PCDH11X: variants seen among roughly 807,000 people sequenced by gnomAD.
PCDH11X encodes the protein protocadherin 11 X-linked, also known as protocadherin-11 X-linked.
PCDH11X carries 18 observed loss-of-function variants against 53.3 expected under a neutral mutation model. The observed-to-expected ratio is 0.34, with a 90% CI of 0.23 to 0.50. The LOEUF (loss-of-function observed/expected upper bound fraction) is 0.50. Among genes scored for constraint, PCDH11X ranks in the 20% least tolerant of loss-of-function variants. The probability of loss-of-function intolerance (pLI) is 0.98; values close to 1 mark genes in which losing one functional copy is unlikely to be tolerated. For synonymous variants in PCDH11X, 279 were observed against 393.3 expected, an observed-to-expected ratio of 0.71 and a Z score of 3.44; for missense variants, 570 against 1,032.4, an observed-to-expected ratio of 0.55 and a Z score of 6.14.
chrX:91,858,616 G>C (rs966730681), intron 5 of PCDH11X, among the ~76,000 whole-genome samples: 15 of 109,314 alleles, frequency 1.4e-4, no homozygotes, highest in African/African-American at 4.7e-4. Context: ...TTGCTGCTTA[G>C]AAATTTCTTC....
At chrX:92,052,938 G>T (rs1349092143) in intron 6 of PCDH11X, among the ~76,000 whole-genome samples, 1 of 111,142 alleles carries the variant, frequency 9.0e-6, no homozygotes, top group African/African-American at 3.3e-5. Flanking sequence ...TCAAAATAAA[G>T]TCATTACATT....
intron 6 of PCDH11X, among the ~76,000 whole-genome samples, chrX:92,120,856 C>G (rs1313462476): frequency 9.0e-6 from 1 of 111,596 alleles, no homozygotes; most frequent in Non-Finnish European, 1.9e-5. Context: ...AAACACTTAT[C>G]TATAGTGTAT....
chrX:91,991,886 T>C (rs1291138858), intron 6 of PCDH11X, among the ~76,000 whole-genome samples: 1 of 110,840 alleles, frequency 9.0e-6, no homozygotes, highest in African/African-American at 3.3e-5. Context: ...CTTTGTCTAT[T>C]CCTTTGAATT....
intron 9 of PCDH11X, among the ~76,000 whole-genome samples, chrX:92,406,078 A>G (rs1358402812): frequency 4.4e-5 from 4 of 90,703 alleles, no homozygotes; most frequent in Non-Finnish European, 6.6e-5. Flanking sequence ...CAGCCTGGGC[A>G]ACAGAGTGAG....
rs775353759 is a variant in PCDH11X, at chrX:92,387,893, C to G, written c.3303C>G (p.Ser1101Arg). The G allele has an allele frequency of 8.3e-7, 1 of 1,210,885 alleles. No individual in the cohort carries two copies. The highest frequency in any genetic ancestry group is 1.8e-5 in the South Asian group (1 of 56,937). ...QEEYFDRATP[S>R]NRTEGDGNSD... Reference sequence around the variant, plus strand: ...AGTACTTTGATCGTGCTACACCCAGCAATCGCACTGAAGGGGATGGCAACT... The same window carrying G: ...AGTACTTTGATCGTGCTACACCCAGGAATCGCACTGAAGGGGATGGCAACT... The change falls in exon 9 of 11, where the codon AGC becomes AGG. Residue 1101 changes from serine to arginine, a missense_variant. By Grantham distance (110) the Ser-to-Arg change is moderately radical. Transcript: ENST00000682573.
chrX:92,591,444 G>A (rs1925023523), intron 10 of PCDH11X, among the ~76,000 whole-genome samples: 1 of 110,288 alleles, frequency 9.1e-6, no homozygotes, highest in Non-Finnish European at 1.9e-5. Flanking sequence ...CTATGAATTA[G>A]TCTTTCTATG....
At chrX:92,248,812 C>T (rs1276255883) in intron 7 of PCDH11X, among the ~76,000 whole-genome samples, 5 of 110,953 alleles carry the variant, frequency 4.5e-5, no homozygotes, top group African/African-American at 1.6e-4. Flanking sequence ...AAGCAATTCT[C>T]TGCCTCTGCC....
chrX:92,473,155 C>T (rs1319464460), intron 10 of PCDH11X, among the ~76,000 whole-genome samples: 1 of 106,714 alleles, frequency 9.4e-6, no homozygotes, highest in Non-Finnish European at 1.9e-5. Context: ...TGGATATGTT[C>T]AGGTTTTGGA....
chrX:92,276,335 C>T (rs2068090313), intron 8 of PCDH11X, among the ~76,000 whole-genome samples: 1 of 107,165 alleles, frequency 9.3e-6, no homozygotes, highest in African/African-American at 3.4e-5. Context: ...CAGTCTTTAG[C>T]CATTAAGCCA....
intron 6 of PCDH11X, among the ~76,000 whole-genome samples, chrX:92,046,786 T>C (rs2063295279): frequency 9.1e-6 from 1 of 109,964 alleles, no homozygotes; most frequent in Non-Finnish European, 1.9e-5. Flanking sequence ...TAGTCAATTT[T>C]AGCAGAACAT....
At chrX:91,785,621 G>C (rs950009797) in intron 1 of PCDH11X, among the ~76,000 whole-genome samples, 3 of 111,419 alleles carry the variant, frequency 2.7e-5, no homozygotes, top group Non-Finnish European at 5.7e-5. Flanking sequence ...TAATTGGATT[G>C]GCTTTATATG....
intron 8 of PCDH11X, among the ~76,000 whole-genome samples, chrX:92,363,660 T>G (rs1603288774): frequency 9.0e-6 from 1 of 110,831 alleles, no homozygotes; most frequent in East Asian, 2.8e-4. Flanking sequence ...TTTTCTTGCC[T>G]CATTGCTCTG....
chrX:91,999,798 C>A (rs2062479580), intron 6 of PCDH11X, among the ~76,000 whole-genome samples: 1 of 110,463 alleles, frequency 9.1e-6, no homozygotes, highest in Non-Finnish European at 1.9e-5. Flanking sequence ...GCATATTTTT[C>A]TTTTTCATTG....
chrX:92,104,965 G>A (rs1349483401), intron 6 of PCDH11X, among the ~76,000 whole-genome samples: 10 of 110,630 alleles, frequency 9.0e-5, no homozygotes, highest in Non-Finnish European at 1.5e-4. Flanking sequence ...ACTTGCCCCT[G>A]CCCCAGGAAA....
intron 6 of PCDH11X, among the ~76,000 whole-genome samples, chrX:91,893,347 A>ATT (rs58312535): frequency 7.2e-4 from 64 of 88,680 alleles, no homozygotes; most frequent in African/African-American, 1.2e-3. Context: ...AGAGAACCGC[A>ATT]TTTTTTTTTT....
intron 10 of PCDH11X, among the ~76,000 whole-genome samples, chrX:92,563,323 T>C (rs1397746052): frequency 2.8e-5 from 3 of 108,804 alleles, no homozygotes; most frequent in African/African-American, 1.0e-4. Flanking sequence ...AAATACTCAC[T>C]CTCTATCAGG....
intron 8 of PCDH11X, among the ~76,000 whole-genome samples, chrX:92,273,928 T>G (rs1289985904): frequency 9.1e-6 from 1 of 109,697 alleles, no homozygotes; most frequent in Non-Finnish European, 1.9e-5. Context: ...GAGTTTAGAG[T>G]GGCAGTTTGG....
At chrX:92,003,248 A>G (rs1304987280) in intron 6 of PCDH11X, among the ~76,000 whole-genome samples, 1 of 99,533 alleles carries the variant, frequency 1.0e-5, no homozygotes, top group Admixed American at 1.1e-4. Context: ...GTAATGATGA[A>G]TGATCTTTCG....
At chrX:92,508,679 A>C (rs949479855) in intron 10 of PCDH11X, among the ~76,000 whole-genome samples, 1 of 109,871 alleles carries the variant, frequency 9.1e-6, no homozygotes, top group African/African-American at 3.3e-5. Context: ...TAAAAATAGC[A>C]CTTGGGACAG....
Sources: allele counts gnomAD v4.1 joint callset (sites outside exome capture counted in the v4.1 genomes callset), GRCh38; gene constraint gnomAD v4.1.1; transcripts MANE v1.5; gene names NCBI Gene and HGNC (gene_info 2026-07-23, HGNC 2026-07-21).